CTNND2: variants seen among roughly 807,000 people sequenced by gnomAD.
CTNND2 encodes the protein catenin delta 2.
Under a neutral mutation model 144.4 loss-of-function variants are expected in CTNND2, and 22 were observed. The ratio of observed to expected loss-of-function variants is 0.15; its 90% CI spans 0.11 to 0.22. The LOEUF (loss-of-function observed/expected upper bound fraction) is 0.22, where lower values mean the gene tolerates loss of function less well. Ranked by LOEUF, CTNND2 falls within the 10% of genes least tolerant of loss-of-function variation. The probability of loss-of-function intolerance (pLI) is 1.00; values close to 1 mark genes in which losing one functional copy is unlikely to be tolerated. For synonymous variants in CTNND2, 751 were observed against 695.6 expected (o/e 1.08, Z -1.25); for missense variants, 1,353 against 1,618.8 (o/e 0.84, Z 2.82).
At chr5:11,146,306 T>C (rs1757237590) in intron 12 of CTNND2, among the ~76,000 whole-genome samples, 1 of 152,176 alleles carries the variant, frequency 6.6e-6, no homozygotes, top group Non-Finnish European at 1.5e-5. Context: ...TGGCTACGGC[T>C]GCTCCAATTA....
intron 9 of CTNND2, among the ~76,000 whole-genome samples, chr5:11,262,618 T>C (rs1025374566): frequency 2.0e-4 from 30 of 151,140 alleles, no homozygotes; most frequent in African/African-American, 5.4e-4. Context: ...AAAAATTAGC[T>C]GGGCGTGGTG....
chr5:11,403,937 A>C (rs1382343455), intron 5 of CTNND2, among the ~76,000 whole-genome samples: 2 of 152,282 alleles, frequency 1.3e-5, no homozygotes, highest in Non-Finnish European at 2.9e-5. Flanking sequence ...GTCTTCTCAC[A>C]ATAGAGGATT....
intron 9 of CTNND2, among the ~76,000 whole-genome samples, chr5:11,302,585 G>A (rs1749731242): frequency 6.6e-6 from 1 of 152,178 alleles, no homozygotes; most frequent in South Asian, 2.1e-4. Flanking sequence ...GTGGTTTAGA[G>A]AAAGGCAGTG....
At chr5:11,367,913 T>G (rs1757127993) in intron 7 of CTNND2, among the ~76,000 whole-genome samples, 1 of 152,224 alleles carries the variant, frequency 6.6e-6, no homozygotes, top group South Asian at 2.1e-4. Flanking sequence ...AAGCATTTCA[T>G]GACCAATTAC....
At chr5:10,994,057 C>T (rs373455545) in intron 18 of CTNND2, among the ~76,000 whole-genome samples, 2 of 150,552 alleles carry the variant, frequency 1.3e-5, no homozygotes, top group East Asian at 4.0e-4. Flanking sequence ...GGAAATAAAA[C>T]CAAACTAATG....
At chr5:11,211,130 G>T (rs949332621) in intron 10 of CTNND2, among the ~76,000 whole-genome samples, 4 of 152,268 alleles carry the variant, frequency 2.6e-5, no homozygotes, top group African/African-American at 9.6e-5. Flanking sequence ...AGGAAGAAAG[G>T]ATAAATAGGG....
intron 1 of CTNND2, among the ~76,000 whole-genome samples, chr5:11,861,490 G>A (rs904591606): frequency 2.0e-5 from 3 of 152,040 alleles, no homozygotes; most frequent in Non-Finnish European, 4.4e-5. Context: ...CAAATTCTTT[G>A]ACCTTCAGAA....
intron 2 of CTNND2, chr5:11,588,734 C>G: frequency 3.0e-6 from 3 of 984,518 alleles, no homozygotes; most frequent in Non-Finnish European, 3.6e-6. Flanking sequence ...TTGTCTTTTA[C>G]CTTTACTGTA....
At chr5:11,589,488 T>C (rs1435900195) in intron 2 of CTNND2, among the ~76,000 whole-genome samples, 9 of 152,162 alleles carry the variant, frequency 5.9e-5, no homozygotes, top group Non-Finnish European at 1.3e-4. Flanking sequence ...ATAAGTTTAT[T>C]CAAATTATTT....
intron 5 of CTNND2, among the ~76,000 whole-genome samples, chr5:11,407,752 T>C (rs949182998): frequency 8.0e-5 from 12 of 149,078 alleles, no homozygotes; most frequent in African/African-American, 2.4e-4. Context: ...AATCCATTGA[T>C]TGAATAATCA....
chr5:11,454,313 G>A (rs1765541382), intron 3 of CTNND2, among the ~76,000 whole-genome samples: 1 of 152,082 alleles, frequency 6.6e-6, no homozygotes, highest in Admixed American at 6.5e-5. Flanking sequence ...CCAGCTACTA[G>A]GGAGGTTGAG....
At chr5:11,767,061 T>A (rs1581848620) in intron 1 of CTNND2, among the ~76,000 whole-genome samples, 1 of 152,072 alleles carries the variant, frequency 6.6e-6, no homozygotes, top group African/African-American at 2.4e-5. Context: ...TGACTCCATG[T>A]AGTTAGTACA....
At chr5:11,818,062 A>G (rs1469498116) in intron 1 of CTNND2, among the ~76,000 whole-genome samples, 1 of 148,764 alleles carries the variant, frequency 6.7e-6, no homozygotes, top group Non-Finnish European at 1.5e-5. Flanking sequence ...AGAGCATAGA[A>G]GTGACGTTCA....
At chr5:11,388,791 T>C (rs1439533824) in intron 6 of CTNND2, among the ~76,000 whole-genome samples, 1 of 152,244 alleles carries the variant, frequency 6.6e-6, no homozygotes, top group Non-Finnish European at 1.5e-5. Context: ...GCATTAGAGA[T>C]AATCGAAACA....
intron 9 of CTNND2, among the ~76,000 whole-genome samples, chr5:11,249,715 C>T (rs113311020): frequency 0.012 from 1,795 of 152,022 alleles, 11 homozygotes; most frequent in Middle Eastern, 0.017. Context: ...ATTGTTTTAA[C>T]CTGAAATACA....
intron 3 of CTNND2, among the ~76,000 whole-genome samples, chr5:11,464,797 A>C (rs1766513321): frequency 6.6e-6 from 1 of 152,190 alleles, no homozygotes; most frequent in African/African-American, 2.4e-5. Context: ...TATGGGGTTT[A>C]AGAGATAAAA....
At chr5:11,619,643 G>A (rs1264087610) in intron 2 of CTNND2, among the ~76,000 whole-genome samples, 5 of 152,112 alleles carry the variant, frequency 3.3e-5, no homozygotes, top group African/African-American at 1.2e-4. Flanking sequence ...TTGCATGATG[G>A]CATAGAAAGA....
At chr5:11,781,892 G>A (rs1380269541) in intron 1 of CTNND2, among the ~76,000 whole-genome samples, 1 of 152,178 alleles carries the variant, frequency 6.6e-6, no homozygotes, top group East Asian at 1.9e-4. Flanking sequence ...ATTTTTAAAT[G>A]TGCCTATACT....
rs61737893 is a variant in CTNND2, at chr5:11,082,739, C to A, written c.2745G>T (p.Ala915=). 5.6e-6 allele frequency: 9 copies of A among 1,614,036 alleles called. No individual in the cohort carries two copies. The highest frequency in any genetic ancestry group is 7.6e-6 in the Non-Finnish European group (9 of 1,180,034). The change falls in exon 16 of 22, where the codon GCG becomes GCT. Residue 915 remains alanine, a synonymous_variant. Transcript: ENST00000304623. ...TGACGTCCAAGGCCATGTTCCGCAGCGCAGTGGCCACCGCGCACACCACAC... is the reference window on the plus strand; with the variant it reads ...TGACGTCCAAGGCCATGTTCCGCAGAGCAGTGGCCACCGCGCACACCACAC... ...NDRVVCAVAT[A]LRNMALDVRN... is the part of the protein sequence containing the mutation.
Sources: allele counts gnomAD v4.1 joint callset (sites outside exome capture counted in the v4.1 genomes callset), GRCh38; gene constraint gnomAD v4.1.1; transcripts MANE v1.5; gene names NCBI Gene and HGNC (gene_info 2026-07-23, HGNC 2026-07-21).